The following TMEM131 variants were observed in gnomAD, a reference collection of about 807,000 sequenced individuals.
The protein encoded by TMEM131 is 2610524E03Rik.
TMEM131 carries 66 observed loss-of-function variants against 211.6 expected under a neutral mutation model. The observed-to-expected ratio is 0.31, with a 90% CI of 0.26 to 0.38. TMEM131 has a LOEUF of 0.38. TMEM131 is among the 10% of genes least tolerant of loss of function. The pLI, the probability that TMEM131 is intolerant of heterozygous loss-of-function variation, is 1.00. For missense variants in TMEM131, 2,036 were observed against 2,299.3 expected, an observed-to-expected ratio of 0.89 and a Z score of 2.34; for synonymous variants, 844 against 841.3, an observed-to-expected ratio of 1.00 and a Z score of -0.06.
chr2:97,815,068 G>T, intron 13 of TMEM131, 131 bp downstream of exon 13: 1 of 481,044 alleles, frequency 2.1e-6, no homozygotes, highest in Non-Finnish European at 3.5e-6. Context: ...TATAGTTGGG[G>T]CTGTTCTTTC....
At chr2:97,928,568 C>A (rs1677084986) in intron 1 of TMEM131, among the ~76,000 whole-genome samples, 1 of 151,668 alleles carries the variant, frequency 6.6e-6, no homozygotes, top group Admixed American at 6.6e-5. Flanking sequence ...ATGAATCAAC[C>A]TTACTGAAGT....
At chr2:97,903,909 G>A (rs72942882) in intron 3 of TMEM131, among the ~76,000 whole-genome samples, 3 of 151,944 alleles carry the variant, frequency 2.0e-5, no homozygotes, top group Admixed American at 6.6e-5. Flanking sequence ...GCAATCCACC[G>A]CCTCAGCTTC....
chr2:97,937,678 C>G (rs1677509845), intron 1 of TMEM131, among the ~76,000 whole-genome samples: 1 of 151,976 alleles, frequency 6.6e-6, no homozygotes, highest in Admixed American at 6.6e-5. Context: ...CATACGTGAA[C>G]CTAACAAGAG....
rs147030072 is a variant in TMEM131 at position 97,757,200 on chromosome 2, C to T, written c.5551G>A (p.Asp1851Asn). The T allele has an allele frequency of 1.4e-5, 22 of 1,613,864 alleles. No homozygotes were observed. Among genetic ancestry groups the T allele is most frequent in the Middle Eastern group, 1.6e-4 (1 of 6,084 alleles). ...HAPSTSSPAD[D>N]LGQTYNPWRI... Reference sequence around the variant, plus strand: ...CACGGGTTGTAGGTCTGTCCCAAGTCGTCAGCTGGACTGGAGGTGGAGGGA... The same window carrying T: ...CACGGGTTGTAGGTCTGTCCCAAGTTGTCAGCTGGACTGGAGGTGGAGGGA... The change falls in exon 41 of 41, where the codon GAC becomes AAC. Residue 1851 changes from aspartate (D) to asparagine (N), a missense_variant. By Grantham distance (23) the Asp-to-Asn change is conservative. Coordinates refer to ENST00000186436, the MANE Select transcript of TMEM131 (RefSeq NM_015348.2).
chr2:97,903,845 T>C (rs1373187541), intron 3 of TMEM131, among the ~76,000 whole-genome samples: 2 of 152,084 alleles, frequency 1.3e-5, no homozygotes, highest in East Asian at 1.9e-4. Context: ...TGTATTTTAG[T>C]AGAGATGGGG....
chr2:97,987,710 A>G (rs931054160), intron 1 of TMEM131, among the ~76,000 whole-genome samples: 4 of 152,180 alleles, frequency 2.6e-5, no homozygotes, highest in African/African-American at 7.2e-5. Context: ...TCAAAAATGC[A>G]TGTTTTATTT....
At chr2:97,799,852 C>T (rs1680942694) in intron 25 of TMEM131, among the ~76,000 whole-genome samples, 1 of 151,962 alleles carries the variant, frequency 6.6e-6, no homozygotes, top group African/African-American at 2.4e-5. Context: ...TTACATACTT[C>T]GATCAAAACA....
chr2:97,939,241 C>T (rs1235213543), intron 1 of TMEM131, among the ~76,000 whole-genome samples: 9 of 152,020 alleles, frequency 5.9e-5, no homozygotes, highest in Non-Finnish European at 1.2e-4. Context: ...AATCCAGGAG[C>T]TGGTTTTTTG....
chr2:97,973,685 T>C lies in TMEM131; in HGVS notation c.187+21791A>G, dbSNP rs188106235. On this transcript the variant is annotated intron_variant, in intron 1 of 40. Transcript: ENST00000186436. ...CCATCCAAAAGGATTAGAGGAACAA[T>C]GCCCACCATTCAAACAGGGTCAGAA... Among the ~76,000 whole-genome samples, 8 of 152,220 alleles carry C rather than the reference T, an allele frequency of 5.3e-5. No homozygotes were observed. In the East Asian group the frequency reaches 1.5e-3, roughly 29 times the overall value.
chr2:97,779,863 A>C (rs1436231031), intron 31 of TMEM131, among the ~76,000 whole-genome samples: 2 of 152,130 alleles, frequency 1.3e-5, no homozygotes, highest in African/African-American at 4.8e-5. Context: ...AAAAATTTTA[A>C]AATAAAACTA....
intron 5 of TMEM131, among the ~76,000 whole-genome samples, chr2:97,845,785 C>T (rs999174426): frequency 1.4e-4 from 20 of 139,472 alleles, no homozygotes; most frequent in Non-Finnish European, 1.9e-4. Context: ...TCAATAAAAC[C>T]GAAGCTGGTG....
At chr2:97,956,504 C>T (rs1678572539) in intron 1 of TMEM131, among the ~76,000 whole-genome samples, 1 of 150,092 alleles carries the variant, frequency 6.7e-6, no homozygotes, top group Admixed American at 6.6e-5. Flanking sequence ...GATTTTTTTT[C>T]AAGGAAAGTT....
At chr2:97,759,577 C>T in intron 39 of TMEM131, 75 bp downstream of exon 39, 1 of 1,273,158 alleles carries the variant, frequency 7.9e-7, no homozygotes, top group Non-Finnish European at 1.1e-6. Flanking sequence ...TGTTCTCCAG[C>T]ACACAAAACC....
intron 11 of TMEM131, among the ~76,000 whole-genome samples, chr2:97,821,178 A>G (rs1682101830): frequency 6.6e-6 from 1 of 152,190 alleles, no homozygotes; most frequent in Admixed American, 6.5e-5. Flanking sequence ...AAACACACCA[A>G]TCAGTGCTCT....
chr2:97,801,880 A>C lies in TMEM131; in HGVS notation c.2718+15T>G, dbSNP rs775292320. The stretch of plus-strand genomic sequence containing the variant: ...AAATAATTTCTTTGGAATAGTATGA[A>C]GTTTGAATACTTACACTGTTTCTGA... On this transcript the variant is annotated intron_variant, in intron 25 of 40. Coordinates refer to ENST00000186436, the MANE Select transcript of TMEM131 (RefSeq NM_015348.2). 2 of 1,554,168 alleles carry C rather than the reference A, an allele frequency of 1.3e-6. No individual in the cohort carries two copies. The highest frequency in any genetic ancestry group is 1.8e-6 in the Non-Finnish European group (2 of 1,138,224).
intron 31 of TMEM131, among the ~76,000 whole-genome samples, chr2:97,779,294 C>T (rs968310794): frequency 3.3e-5 from 5 of 152,226 alleles, no homozygotes; most frequent in Non-Finnish European, 7.3e-5. Flanking sequence ...TGTGCCTTCC[C>T]TAACCTGACT....
At chr2:97,827,043 C>A (rs1682423164) in intron 11 of TMEM131, among the ~76,000 whole-genome samples, 3 of 78,172 alleles carry the variant, frequency 3.8e-5, no homozygotes, top group African/African-American at 5.1e-5. Flanking sequence ...GAAAAAGACA[C>A]AATGGGTATT....
chr2:97,809,645 CA>C, intron 19 of TMEM131, 42 bp downstream of exon 19: 2 of 1,465,454 alleles, frequency 1.4e-6, no homozygotes, highest in Non-Finnish European at 1.9e-6. Flanking sequence ...AAGGCAAAGG[CA>C]AAAAACGAGC....
In TMEM131 at chr2:97,757,301, A is replaced by C; in HGVS notation, c.5450T>G (p.Leu1817Arg). Residue 1817 changes from leucine (L) to arginine (R), a missense_variant, in exon 41 of 41, where the codon CTT (leucine) becomes CGT (arginine). Physicochemically the swap from Leu to Arg is moderately radical, Grantham distance 102. Coordinates refer to ENST00000186436, the MANE Select transcript of TMEM131 (RefSeq NM_015348.2). ...SIWSSNLSSALPFTTPANTLA... is the reference protein window; with the variant it reads ...SIWSSNLSSARPFTTPANTLA... ...CGTGTTTGCTGGAGTGGTGAAGGGAAGGGCGCTGCTAAGGTTGCTGGACCA... is the reference window on the plus strand; with the variant it reads ...CGTGTTTGCTGGAGTGGTGAAGGGACGGGCGCTGCTAAGGTTGCTGGACCA... The C allele has an allele frequency of 6.2e-7, 1 of 1,613,904 alleles. No homozygotes were observed. The highest frequency in any genetic ancestry group is 8.5e-7 in the Non-Finnish European group (1 of 1,179,892).
Sources: allele counts gnomAD v4.1 joint callset (sites outside exome capture counted in the v4.1 genomes callset), GRCh38; gene constraint gnomAD v4.1.1; transcripts MANE v1.5; gene names NCBI Gene and HGNC (gene_info 2026-07-23, HGNC 2026-07-21).